PRPF18: variants seen among roughly 807,000 people sequenced by gnomAD.
PRPF18 encodes pre-mRNA processing factor 18, also known as pre-mRNA-splicing factor 18.
Under a neutral mutation model 46.5 loss-of-function variants are expected in PRPF18, and 38 were observed. The observed-to-expected ratio is 0.82, with a 90% CI of 0.63 to 1.07. The LOEUF (loss-of-function observed/expected upper bound fraction) is 1.07, where lower values mean the gene tolerates loss of function less well. Among genes scored for constraint, PRPF18 ranks in the 50% least tolerant of loss-of-function variants. The pLI is 0.00. For synonymous variants in PRPF18, 152 were observed against 146.7 expected, an observed-to-expected ratio of 1.04 and a Z score of -0.26; for missense variants, 263 against 410.0, an observed-to-expected ratio of 0.64 and a Z score of 3.10.
chr10:13,655,843 T>C, the PRPF18 span: 1 of 152,226 alleles, frequency 6.6e-6, no homozygotes, highest in African/African-American at 2.4e-5. Context: ...GGTAAGAGTA[T>C]GTTAATAAGC....
chr10:13,616,101 T>C (rs911538718), intron 8 of PRPF18, among the ~76,000 whole-genome samples: 1 of 152,238 alleles, frequency 6.6e-6, no homozygotes, highest in Non-Finnish European at 1.5e-5. Flanking sequence ...TAATTCCAGA[T>C]CTGCAACATA....
intron 1 of PRPF18, among the ~76,000 whole-genome samples, chr10:13,592,886 A>T (rs563971987): frequency 6.6e-6 from 1 of 152,348 alleles, no homozygotes; most frequent in African/African-American, 2.4e-5. Flanking sequence ...ACAATGCTAC[A>T]ATAATCAAAA....
At chr10:13,642,946 A>T in the PRPF18 span, 1 of 152,254 alleles carries the variant, frequency 6.6e-6, no homozygotes, top group Non-Finnish European at 1.5e-5. Flanking sequence ...CCCATCCAGG[A>T]GTTTTTCATG....
chr10:13,635,921 A>G, the PRPF18 span, among the ~76,000 whole-genome samples: 10 of 152,236 alleles, frequency 6.6e-5, no homozygotes, highest in Admixed American at 5.2e-4. Context: ...ACAGTACTTC[A>G]AAATGCTAAA....
chr10:13,643,955 G>C, the PRPF18 span: 1 of 152,424 alleles, frequency 6.6e-6, no homozygotes, highest in Admixed American at 6.6e-5. Flanking sequence ...TATTAAACTA[G>C]AGTCCATTTT....
At chr10:13,652,095 C>T in the PRPF18 span, 1 of 715,542 alleles carries the variant, frequency 1.4e-6, no homozygotes, top group Non-Finnish European at 2.6e-6. Flanking sequence ...TGATTAGACA[C>T]CTGAGTTAGC....
At chr10:13,593,060 A>G (rs755956290) in intron 1 of PRPF18, among the ~76,000 whole-genome samples, 1 of 152,234 alleles carries the variant, frequency 6.6e-6, no homozygotes, top group Non-Finnish European at 1.5e-5. Context: ...CTGGATATCC[A>G]TACGGAAATA....
At chr10:13,606,100 G>A (rs943711960) in intron 4 of PRPF18, among the ~76,000 whole-genome samples, 1 of 151,992 alleles carries the variant, frequency 6.6e-6, no homozygotes, top group African/African-American at 2.4e-5. Flanking sequence ...GTTTCCCTAT[G>A]TAACAAACCT....
At chr10:13,598,181 A>G (rs941300842) in intron 2 of PRPF18, among the ~76,000 whole-genome samples, 10 of 152,158 alleles carry the variant, frequency 6.6e-5, no homozygotes, top group South Asian at 2.1e-4. Context: ...CTTTGCTTGT[A>G]TATTTTAGAA....
At chr10:13,643,749 T>C in the PRPF18 span, 1 of 152,646 alleles carries the variant, frequency 6.6e-6, no homozygotes. Flanking sequence ...GACAACACTG[T>C]TTTGCAAAAT....
chr10:13,621,401 C>A (rs983216219), intron 9 of PRPF18, among the ~76,000 whole-genome samples: 1 of 152,092 alleles, frequency 6.6e-6, no homozygotes, highest in Admixed American at 6.5e-5. Flanking sequence ...CCTGGAGGGG[C>A]CCCTAGGGTG....
At chr10:13,599,698 T>G (rs2080079664) in intron 2 of PRPF18, among the ~76,000 whole-genome samples, 1 of 152,254 alleles carries the variant, frequency 6.6e-6, no homozygotes, top group African/African-American at 2.4e-5. Context: ...GACCAACTCT[T>G]CGTAGCATTA....
chr10:13,613,583 A>G (rs2080301418), intron 6 of PRPF18, among the ~76,000 whole-genome samples, 158 bp from the exon 7 acceptor site: 1 of 152,234 alleles, frequency 6.6e-6, no homozygotes, highest in African/African-American at 2.4e-5. Flanking sequence ...ATCATGACCA[A>G]TAAGCAGAAC....
chr10:13,613,693 G>T, intron 6 of PRPF18, 48 bp from the exon 7 acceptor site: 1 of 1,584,272 alleles, frequency 6.3e-7, no homozygotes, highest in South Asian at 1.2e-5. Context: ...TAGATGTACT[G>T]AACCACTGGG....
At chr10:13,644,276 C>T in the PRPF18 span, 2 of 152,168 alleles carry the variant, frequency 1.3e-5, no homozygotes, top group South Asian at 4.1e-4. Flanking sequence ...CCAAGGACTT[C>T]GTATTTCACC....
downstream of PRPF18, among the ~76,000 whole-genome samples, chr10:13,634,048 G>C: frequency 6.6e-6 from 1 of 152,166 alleles, no homozygotes; most frequent in East Asian, 1.9e-4. Context: ...TGGTGGTGTG[G>C]AATAGCTAGG....
intron 1 of PRPF18, chr10:13,592,011 A>T: frequency 1.4e-6 from 1 of 730,390 alleles, no homozygotes; most frequent in Non-Finnish European, 2.3e-6. Context: ...ATGAAGTTTA[A>T]CCACCTGGGT....
downstream of PRPF18, chr10:13,632,617 G>C (rs1429840973): frequency 6.6e-6 from 1 of 152,120 alleles, no homozygotes; most frequent in East Asian, 1.9e-4. Context: ...CCTAAAATTG[G>C]TCAGTGTGGT....
chr10:13,634,588 G>C (rs1218784865), downstream of PRPF18, among the ~76,000 whole-genome samples: 2 of 152,250 alleles, frequency 1.3e-5, no homozygotes, highest in Non-Finnish European at 2.9e-5. Context: ...AGTCTGTGCA[G>C]TCTGCGCCTG....
Sources: allele counts gnomAD v4.1 joint callset (sites outside exome capture counted in the v4.1 genomes callset), GRCh38; gene constraint gnomAD v4.1.1; transcripts MANE v1.5; gene names NCBI Gene and HGNC (gene_info 2026-07-23, HGNC 2026-07-21).